Variants in UBE2E2 observed in about 807,000 individuals in gnomAD.
UBE2E2 encodes the protein ubiquitin-conjugating enzyme E2 E2.
A neutral mutation model predicts 24.7 loss-of-function variants in UBE2E2; 6 were observed. The observed-to-expected ratio is 0.24, with a 90% CI of 0.13 to 0.48. UBE2E2 has a LOEUF of 0.48. Among genes scored for constraint, UBE2E2 ranks in the 20% least tolerant of loss-of-function variants. The pLI is 0.99. For synonymous variants in UBE2E2, 104 were observed against 83.6 expected (o/e 1.24, Z -1.33); for missense variants, 169 against 245.0 (o/e 0.69, Z 2.07).
At chr3:23,570,483 T>C (rs937257356) in intron 5 of UBE2E2, among the ~76,000 whole-genome samples, 7 of 152,210 alleles carry the variant, frequency 4.6e-5, no homozygotes, top group African/African-American at 9.6e-5. Flanking sequence ...TACCTAAGTT[T>C]ATTGTACATT....
intron 4 of UBE2E2, among the ~76,000 whole-genome samples, chr3:23,531,384 T>C (rs897584875): frequency 5.3e-5 from 8 of 152,206 alleles, no homozygotes; most frequent in Non-Finnish European, 1.2e-4. Context: ...TCAATAATAT[T>C]CACATCTTAT....
At chr3:23,279,208 C>A (rs1272771047) in intron 3 of UBE2E2, among the ~76,000 whole-genome samples, 2 of 151,946 alleles carry the variant, frequency 1.3e-5, no homozygotes, top group Non-Finnish European at 2.9e-5. Context: ...GTAGTTGAGG[C>A]GTGATTTCAG....
chr3:23,298,558 G>A (rs1316448676), intron 3 of UBE2E2, among the ~76,000 whole-genome samples: 1 of 151,880 alleles, frequency 6.6e-6, no homozygotes, highest in East Asian at 1.9e-4. Flanking sequence ...TGTGGTTTTT[G>A]TCTTTGGTTC....
intron 3 of UBE2E2, among the ~76,000 whole-genome samples, chr3:23,309,015 C>T (rs1376329437): frequency 6.6e-6 from 1 of 152,172 alleles, no homozygotes; most frequent in Non-Finnish European, 1.5e-5. Context: ...AAAAGAAGAG[C>T]AAGCAAACTG....
At chr3:23,297,334 T>C (rs1330474479) in intron 3 of UBE2E2, among the ~76,000 whole-genome samples, 23 of 151,922 alleles carry the variant, frequency 1.5e-4, no homozygotes, top group Non-Finnish European at 2.4e-4. Context: ...TTTGTCAATT[T>C]TGGCTTTTGT....
chr3:23,316,437 T>C (rs1694581360), intron 3 of UBE2E2, among the ~76,000 whole-genome samples: 1 of 151,682 alleles, frequency 6.6e-6, no homozygotes, highest in South Asian at 2.1e-4. Flanking sequence ...CCTCCAGTGC[T>C]CACCTAAGGC....
At chr3:23,465,563 A>G (rs1183493684) in intron 3 of UBE2E2, among the ~76,000 whole-genome samples, 1 of 152,228 alleles carries the variant, frequency 6.6e-6, no homozygotes, top group Non-Finnish European at 1.5e-5. Flanking sequence ...CAGTGGTTAC[A>G]CAGTGGCCAA....
intron 3 of UBE2E2, among the ~76,000 whole-genome samples, chr3:23,487,165 C>G (rs1699390994): frequency 6.6e-6 from 1 of 152,116 alleles, no homozygotes; most frequent in Non-Finnish European, 1.5e-5. Flanking sequence ...CAGCACCACC[C>G]CAAGTGTGTG....
At chr3:23,359,420 CAT>C (rs1344568525) in intron 3 of UBE2E2, among the ~76,000 whole-genome samples, 1 of 152,164 alleles carries the variant, frequency 6.6e-6, no homozygotes, top group African/African-American at 2.4e-5. Flanking sequence ...AGTGTTAGCT[CAT>C]AGTACAAATT....
chr3:23,284,962 A>AATAT (rs754670052), intron 3 of UBE2E2, among the ~76,000 whole-genome samples: 5 of 141,532 alleles, frequency 3.5e-5, no homozygotes, highest in African/African-American at 1.1e-4. Context: ...TGGAAAAAAA[A>AATAT]ATATATATAT....
chr3:23,396,983 T>C (rs1697094822), intron 3 of UBE2E2, among the ~76,000 whole-genome samples: 1 of 152,200 alleles, frequency 6.6e-6, no homozygotes, highest in Non-Finnish European at 1.5e-5. Context: ...TGCTGGCTCT[T>C]GTGAGAAGTG....
chr3:23,490,656 G>A (rs934914386), intron 3 of UBE2E2, among the ~76,000 whole-genome samples: 1 of 152,274 alleles, frequency 6.6e-6, no homozygotes, highest in Admixed American at 6.5e-5. Flanking sequence ...CTTTCTCAGT[G>A]ACTCATAGAA....
chr3:23,429,290 A>C (rs927066898), intron 3 of UBE2E2, among the ~76,000 whole-genome samples: 1 of 152,178 alleles, frequency 6.6e-6, no homozygotes, highest in African/African-American at 2.4e-5. Context: ...TCATTCTGTG[A>C]GGCCACCATC....
At chr3:23,375,019 A>G (rs1428072030) in intron 3 of UBE2E2, among the ~76,000 whole-genome samples, 3 of 152,144 alleles carry the variant, frequency 2.0e-5, no homozygotes, top group Admixed American at 6.6e-5. Context: ...ATGTTATTCT[A>G]TAGTAATAAA....
intron 3 of UBE2E2, among the ~76,000 whole-genome samples, chr3:23,401,792 T>G (rs1256585624): frequency 6.6e-6 from 1 of 151,046 alleles, no homozygotes; most frequent in Non-Finnish European, 1.5e-5. Context: ...GCAGTTCTCC[T>G]ATCTCAGCCT....
At chr3:23,555,787 T>C (rs1695763970) in intron 5 of UBE2E2, among the ~76,000 whole-genome samples, 1 of 152,182 alleles carries the variant, frequency 6.6e-6, no homozygotes, top group East Asian at 1.9e-4. Flanking sequence ...AGAAAACTAT[T>C]GCATCTCATT....
intron 3 of UBE2E2, among the ~76,000 whole-genome samples, chr3:23,432,154 A>G (rs1005486354): frequency 1.3e-5 from 2 of 152,174 alleles, no homozygotes; most frequent in African/African-American, 4.8e-5. Flanking sequence ...TTATATCACA[A>G]GCAGTCAAAT....
intron 3 of UBE2E2, among the ~76,000 whole-genome samples, chr3:23,367,406 C>G (rs1004170411): frequency 6.6e-6 from 1 of 152,030 alleles, no homozygotes; most frequent in African/African-American, 2.4e-5. Flanking sequence ...ACACCAACAT[C>G]TGTGCTGAAA....
At chr3:23,532,455 T>C in intron 4 of UBE2E2, 99 bp from the exon 5 acceptor site, 7 of 1,093,444 alleles carry the variant, frequency 6.4e-6, no homozygotes, top group Non-Finnish European at 8.6e-6. Context: ...TGGGCTATTT[T>C]GTCTGATAAA....
Sources: allele counts gnomAD v4.1 joint callset (sites outside exome capture counted in the v4.1 genomes callset), GRCh38; gene constraint gnomAD v4.1.1; transcripts MANE v1.5; gene names NCBI Gene and HGNC (gene_info 2026-07-23, HGNC 2026-07-21).